The following ASCC1 variants were observed in gnomAD, a reference collection of about 807,000 sequenced individuals.
The protein encoded by ASCC1 is activating signal cointegrator 1 complex subunit 1, also known as ASC-1 complex subunit P50.
In ASCC1, 35 loss-of-function variants were observed where a neutral mutation model predicts 46.6. The observed-to-expected ratio is 0.75, with a 90% CI of 0.57 to 0.99. The LOEUF (loss-of-function observed/expected upper bound fraction) is 0.99, where lower values mean the gene tolerates loss of function less well. Ranked by LOEUF, ASCC1 falls within the 50% of genes least tolerant of loss-of-function variation. The pLI is 0.00. For missense variants in ASCC1, 376 were observed against 428.7 expected (o/e 0.88, Z 1.09); for synonymous variants, 143 against 146.6 (o/e 0.98, Z 0.18).
chr10:72,101,865 G>A (rs1230391958), intron 9 of ASCC1, among the ~76,000 whole-genome samples: 1 of 152,126 alleles, frequency 6.6e-6, no homozygotes, highest in South Asian at 2.1e-4. Flanking sequence ...GGAAAGACTG[G>A]AGCAGATGTG....
At chr10:72,186,028 T>A (rs1353818046) in intron 5 of ASCC1, among the ~76,000 whole-genome samples, 2 of 152,124 alleles carry the variant, frequency 1.3e-5, no homozygotes, top group African/African-American at 4.8e-5. Context: ...GAGGATTGAT[T>A]AAATAAACTA....
chr10:72,181,703 T>C (rs1852649777), intron 5 of ASCC1, among the ~76,000 whole-genome samples: 1 of 152,090 alleles, frequency 6.6e-6, no homozygotes, highest in Non-Finnish European at 1.5e-5. Flanking sequence ...ATTTTTTTTT[T>C]CTGAGATGGT....
At chr10:72,143,957 A>G (rs1847332606) in intron 7 of ASCC1, among the ~76,000 whole-genome samples, 1 of 151,668 alleles carries the variant, frequency 6.6e-6, no homozygotes, top group African/African-American at 2.4e-5. Context: ...ATCATATATA[A>G]TAGCCTTCTC....
At chr10:72,126,578 G>A (rs992364894) in intron 9 of ASCC1, among the ~76,000 whole-genome samples, 1 of 152,286 alleles carries the variant, frequency 6.6e-6, no homozygotes, top group East Asian at 1.9e-4. Context: ...CACCTGACTT[G>A]TACCAACACA....
chr10:72,196,850 G>C lies in ASCC1; in HGVS notation c.450C>G (p.Phe150Leu). ...FLNEVEVQEGFLRFQEEVLAK... is the reference protein window; with the variant it reads ...FLNEVEVQEGLLRFQEEVLAK... Reference sequence around the variant, plus strand: ...CCAGTACTTCCTCCTGGAATCTCAGGAATCCTTCCTGAACCTCAACTTCAT... The same window carrying C: ...CCAGTACTTCCTCCTGGAATCTCAGCAATCCTTCCTGAACCTCAACTTCAT... Residue 150 changes from phenylalanine (F) to leucine (L), a missense_variant, in exon 5 of 10, where the codon TTC (phenylalanine) becomes TTG (leucine). Coordinates refer to ENST00000672957, the MANE Select transcript of ASCC1 (RefSeq NM_001198800.3). 1 of 1,613,294 alleles carries C rather than the reference G, an allele frequency of 6.2e-7. No homozygotes were observed. Among genetic ancestry groups the C allele is most frequent in the Non-Finnish European group, 8.5e-7 (1 of 1,179,988 alleles).
intron 9 of ASCC1, among the ~76,000 whole-genome samples, chr10:72,110,702 G>A (rs530420320): frequency 7.9e-5 from 12 of 152,248 alleles, no homozygotes; most frequent in African/African-American, 2.9e-4. Context: ...CAGGAGAATC[G>A]CTTGAACCCG....
At chr10:72,188,809 C>A (rs537681155) in intron 5 of ASCC1, among the ~76,000 whole-genome samples, 2 of 152,052 alleles carry the variant, frequency 1.3e-5, no homozygotes, top group Non-Finnish European at 2.9e-5. Context: ...GTCACCCAGG[C>A]TAGTAGTGCA....
intron 4 of ASCC1, among the ~76,000 whole-genome samples, chr10:72,199,067 G>A (rs1007097269): frequency 1.3e-5 from 2 of 151,802 alleles, no homozygotes; most frequent in Non-Finnish European, 2.9e-5. Context: ...CACCCAACTT[G>A]GCCTCCCAAA....
At chr10:72,114,623 CAAAAAAAA>C (rs34531262) in intron 9 of ASCC1, among the ~76,000 whole-genome samples, 1 of 94,516 alleles carries the variant, frequency 1.1e-5, no homozygotes, top group Non-Finnish European at 2.2e-5. Context: ...GACTCCGTCT[CAAAAAAAA>C]AAAAAAAAAA....
In ASCC1 at chr10:72,112,900, A is replaced by C. The variant is rs1022635462; in HGVS notation, c.957+15182T>G. Among the ~76,000 whole-genome samples the C allele has an allele frequency of 1.2e-4, 17 of 141,788 alleles. No individual in the cohort carries two copies. The East Asian group carries it at 3.2e-3, about 27-fold the overall frequency. 93.0% of individuals were successfully genotyped at this position (141,788 alleles called of 152,430 possible). On this transcript the variant is annotated intron_variant, in intron 9 of 9. Transcript: ENST00000672957. ...CTCCAAAAAAAAAAAAAAAAAAAAA[A>C]ACCCCAACATACAATGGACCCAAAG...
intron 9 of ASCC1, among the ~76,000 whole-genome samples, chr10:72,098,492 G>A (rs550644131): frequency 2.0e-5 from 3 of 152,186 alleles, no homozygotes; most frequent in Admixed American, 6.5e-5. Flanking sequence ...CCCAAAGCAC[G>A]GAGATTACAG....
At chr10:72,141,971 TTGTCTC>T (rs768601679) in intron 7 of ASCC1, among the ~76,000 whole-genome samples, 6 of 152,196 alleles carry the variant, frequency 3.9e-5, no homozygotes, top group Non-Finnish European at 5.9e-5. Context: ...CTTTTTAAAA[TTGTCTC>T]TGTAGCTGGG....
intron 2 of ASCC1, 130 bp from the exon 3 acceptor site, chr10:72,210,961 G>C (rs1422688990): frequency 1.3e-6 from 1 of 776,520 alleles, no homozygotes; most frequent in African/African-American, 1.7e-5. Flanking sequence ...GCCGGACACT[G>C]TACATTCCAT....
At chr10:72,110,757 AGTCTGGGTGATACAGCGAGACTCC>A (rs1181473805) in intron 9 of ASCC1, among the ~76,000 whole-genome samples, 5 of 152,220 alleles carry the variant, frequency 3.3e-5, no homozygotes, top group Non-Finnish European at 7.3e-5. Flanking sequence ...ATTGCACTCC[AGTCTGGGTGATACAGCGAGACTCC>A]GTCTCAAAAA....
At chr10:72,175,300 T>C (rs1334552763) in intron 5 of ASCC1, among the ~76,000 whole-genome samples, 6 of 152,190 alleles carry the variant, frequency 3.9e-5, no homozygotes, top group African/African-American at 1.4e-4. Context: ...TGGCACACAG[T>C]AGTATGGAAT....
chr10:72,214,367 C>CTTTT (rs970289326), intron 1 of ASCC1, among the ~76,000 whole-genome samples: 139 of 88,458 alleles, frequency 1.6e-3, no homozygotes, highest in Non-Finnish European at 2.3e-3. Context: ...CACAATATCT[C>CTTTT]TTTTTTTTTT....
intron 4 of ASCC1, among the ~76,000 whole-genome samples, chr10:72,197,274 A>T (rs1746161736): frequency 6.6e-6 from 1 of 151,978 alleles, no homozygotes; most frequent in Non-Finnish European, 1.5e-5. Context: ...GATCGAGACC[A>T]TCCTGGCTAA....
intron 5 of ASCC1, among the ~76,000 whole-genome samples, chr10:72,168,117 G>C (rs1308735069): frequency 6.6e-6 from 1 of 152,172 alleles, no homozygotes; most frequent in Non-Finnish European, 1.5e-5. Flanking sequence ...CTTGAACCTG[G>C]GAGGTGGAGG....
chr10:72,127,331 A>G (rs1347220376), intron 9 of ASCC1, among the ~76,000 whole-genome samples: 1 of 152,208 alleles, frequency 6.6e-6, no homozygotes, highest in Non-Finnish European at 1.5e-5. Flanking sequence ...ATATTACAGA[A>G]GGGTAGTCTG....
Sources: allele counts gnomAD v4.1 joint callset (sites outside exome capture counted in the v4.1 genomes callset), GRCh38; gene constraint gnomAD v4.1.1; transcripts MANE v1.5; gene names NCBI Gene and HGNC (gene_info 2026-07-23, HGNC 2026-07-21).